KLHL17: variants seen among roughly 807,000 people sequenced by gnomAD.
KLHL17 encodes the protein kelch like family member 17.
A neutral mutation model predicts 64.6 loss-of-function variants in KLHL17; 71 were observed. The ratio of observed to expected loss-of-function variants is 1.10; its 90% CI spans 0.91 to 1.34. The LOEUF (loss-of-function observed/expected upper bound fraction) is 1.34, where lower values mean the gene tolerates loss of function less well. KLHL17 is among the 40% of genes most tolerant of loss of function. The pLI is 0.00. For missense variants in KLHL17, 1,140 were observed against 935.0 expected (o/e 1.22, Z -2.86); for synonymous variants, 612 against 405.4 (o/e 1.51, Z -6.12).
intron 8 of KLHL17, 124 bp downstream of exon 8, chr1:963,628 C>A: frequency 8.6e-7 from 1 of 1,162,604 alleles, no homozygotes; most frequent in Non-Finnish European, 1.2e-6. Context: ...GCCGTTTCAC[C>A]CCAGGCCACT....
Position 961,445 on chromosome 1 carries a change from A to T in KLHL17, c.260A>T (p.Gln87Leu), listed in dbSNP as rs925723770. 1 of 1,612,286 alleles carries T rather than the reference A, an allele frequency of 6.2e-7. No homozygotes were observed. The highest frequency in any genetic ancestry group is 8.5e-7 in the Non-Finnish European group (1 of 1,179,810). Reference sequence around the variant, plus strand: ...TTCGTGGCCATGAGCCGCATGCGCCAGCGCGGCCTCCTGTGCGACATCGTC... The same window carrying T: ...TTCGTGGCCATGAGCCGCATGCGCCTGCGCGGCCTCCTGTGCGACATCGTC... Reference protein sequence around the residue: ...DAFVAMSRMRQRGLLCDIVLH... With the variant: ...DAFVAMSRMRLRGLLCDIVLH... The change falls in exon 2 of 12, where the codon CAG becomes CTG. Residue 87 changes from glutamine (Q) to leucine (L), a missense_variant. Gln to Leu is a moderately radical substitution (Grantham distance 113). Coordinates refer to ENST00000338591, the MANE Select transcript of KLHL17 (RefSeq NM_198317.3).
chr1:962,073 G>A (rs779940836), intron 4 of KLHL17, 26 bp downstream of exon 4: 14 of 1,562,228 alleles, frequency 9.0e-6, no homozygotes, highest in Admixed American at 1.8e-5. Flanking sequence ...CCCAGCCCTC[G>A]CCCCCCACCC....
rs776743794 is a variant in KLHL17 at position 963,360 on chromosome 1, C to T, written c.1211C>T (p.Ala404Val). ...VGGYDGTSDL[A>V]TVESYDPVTN... ...AGCTATGATGGGACCTCAGACCTGG[C>T]TACCGTGGAGTCCTACGACCCCGTG... Residue 404 changes from alanine to valine, a missense_variant, in exon 8 of 12, where the codon GCT becomes GTT. Ala to Val is a moderately conservative substitution (Grantham distance 64). Coordinates refer to ENST00000338591, the MANE Select transcript of KLHL17 (RefSeq NM_198317.3). The T allele has an allele frequency of 5.0e-6, 8 of 1,611,178 alleles. No homozygotes were observed. Among genetic ancestry groups the T allele is most frequent in the Admixed American group, 1.7e-5 (1 of 59,932 alleles).
In KLHL17 at chr1:963,355, C is replaced by G. The variant is rs760365107; in HGVS notation, c.1206C>G (p.Asp402Glu). ...YAVGGYDGTS[D>E]LATVESYDPV... ...CCGCTAGCTATGATGGGACCTCAGA[C>G]CTGGCTACCGTGGAGTCCTACGACC... Residue 402 changes from aspartate to glutamate, a missense_variant, in exon 8 of 12, where the codon GAC becomes GAG. By Grantham distance (45) the Asp-to-Glu change is conservative. Transcript: ENST00000338591. 6.2e-7 allele frequency: 1 copy of G among 1,610,762 alleles called. No individual in the cohort carries two copies. Among genetic ancestry groups the G allele is most frequent in the African/African-American group, 1.3e-5 (1 of 75,050 alleles).
At position 961,475 on chromosome 1, in the gene KLHL17, A is replaced by C. The variant is rs1201626622; in HGVS notation, c.290A>C (p.His97Pro). The C allele has an allele frequency of 6.2e-6, 10 of 1,612,372 alleles. No homozygotes were observed. The highest frequency in any genetic ancestry group is 1.7e-6 in the Non-Finnish European group (2 of 1,179,932). Reference sequence around the variant, plus strand: ...GGCCTCCTGTGCGACATCGTCCTGCACGTGGCTGCCAAGGAGATCCGTGCG... The same window carrying C: ...GGCCTCCTGTGCGACATCGTCCTGCCCGTGGCTGCCAAGGAGATCCGTGCG... ...QRGLLCDIVL[H>P]VAAKEIRAHK... Residue 97 changes from histidine (H) to proline (P), a missense_variant, in exon 2 of 12, where the codon CAC becomes CCC. Physicochemically the swap from His to Pro is moderately conservative, Grantham distance 77. Coordinates refer to ENST00000338591, the MANE Select transcript of KLHL17 (RefSeq NM_198317.3).
rs1407912810 is a variant in KLHL17, at chr1:963,259, C to T, written c.1187+6C>T. 4.4e-6 allele frequency: 7 copies of T among 1,599,686 alleles called. No individual in the cohort carries two copies. In the Admixed American group the frequency reaches 1.2e-4, roughly 27 times the overall value. ...CGGCTCTATGCTGTGGGCGGGTAAG[C>T]CTGGAGGCTGGACTTGGGTCGGGTC... On this transcript the variant is annotated splice_donor_region_variant and intron_variant, in intron 7 of 11. Transcript: ENST00000338591.
intron 8 of KLHL17, 199 bp downstream of exon 8, chr1:963,703 C>T: frequency 1.2e-6 from 1 of 821,490 alleles, no homozygotes; most frequent in Non-Finnish European, 1.9e-6. Flanking sequence ...GGGTCCTTAC[C>T]CCCAGTCCAG....
In KLHL17 at chr1:962,421, C is replaced by T. The variant is rs753125973; in HGVS notation, c.778C>T (p.Leu260=). The T allele has an allele frequency of 7.4e-6, 12 of 1,612,768 alleles. No individual in the cohort carries two copies. The highest frequency in any genetic ancestry group is 1.7e-5 in the Admixed American group (1 of 60,016). Residue 260 remains leucine, a synonymous_variant, in exon 5 of 12, where the codon CTG becomes TTG. Transcript: ENST00000338591. ...AGAGGAGGAGGTCTACCGAGCCGTC[C>T]TGAGCTGGGTGAAACACGACGTGGA... is the stretch of plus-strand genomic sequence containing the variant. ...PSEEEVYRAV[L]SWVKHDVDAR...
Position 962,760 on chromosome 1 carries a change from G to A in KLHL17, c.885G>A (p.Val295=), listed in dbSNP as rs1393552869. 5.0e-6 allele frequency: 8 copies of A among 1,611,126 alleles called. No homozygotes were observed. Among genetic ancestry groups the A allele is most frequent in the Non-Finnish European group, 6.8e-6 (8 of 1,179,712 alleles). ...GCCGCGACTTCCTGCTGGGCCACGT[G>A]GATGCCGAGAGCCTGGTGAGGCACC... The part of the protein sequence containing the change: ...LLSRDFLLGH[V]DAESLVRHHP... Residue 295 remains valine, a synonymous_variant, in exon 6 of 12, where the codon GTG becomes GTA. Coordinates refer to ENST00000338591, the MANE Select transcript of KLHL17 (RefSeq NM_198317.3).
rs146518595 is a variant in KLHL17 at position 961,376 on chromosome 1, G to A, written c.191G>A (p.Gly64Asp). ...EGAVQLLSREGHSVAHNSKRH... is the reference protein window; with the variant it reads ...EGAVQLLSREDHSVAHNSKRH... The stretch of plus-strand genomic sequence containing the variant: ...GCCGTGCAGCTGCTGAGCCGCGAGG[G>A]CCACAGCGTGGCCCACAACTCCAAG... Residue 64 changes from glycine (G) to aspartate (D), a missense_variant, in exon 2 of 12, where the codon GGC becomes GAC. By Grantham distance (94) the Gly-to-Asp change is moderately conservative. Coordinates refer to ENST00000338591, the MANE Select transcript of KLHL17 (RefSeq NM_198317.3). 1.6e-5 allele frequency: 26 copies of A among 1,599,466 alleles called. No individual in the cohort carries two copies. In the African/African-American group the frequency reaches 3.1e-4, roughly 19 times the overall value.
At position 963,612 on chromosome 1, in the gene KLHL17, C is replaced by T. The variant is rs1440221144; in HGVS notation, c.1355+108C>T. On this transcript the variant is annotated intron_variant, in intron 8 of 11. Coordinates refer to ENST00000338591, the MANE Select transcript of KLHL17 (RefSeq NM_198317.3). ...TGATGGGGTGTTAAAGGAGGTGATCCGCGAGGCCGTTTCACCCCAGGCCAC... is the reference window on the plus strand; with the variant it reads ...TGATGGGGTGTTAAAGGAGGTGATCTGCGAGGCCGTTTCACCCCAGGCCAC... 40 of 1,309,088 alleles carry T rather than the reference C, an allele frequency of 3.1e-5. 1 individual carries two copies. In the South Asian group the frequency reaches 3.1e-4, roughly 10 times the overall value. The allele number at this position is 1,309,088 out of a possible 1,614,324, so 81.1% of individuals were successfully genotyped here.
rs373715846 is a variant in KLHL17, at chr1:961,413, C to T, written c.228C>T (p.His76=). ...SVAHNSKRHY[H]DAFVAMSRMR... Reference sequence around the variant, plus strand: ...CCCACAACTCCAAGCGGCACTACCACGATGCCTTCGTGGCCATGAGCCGCA... The same window carrying T: ...CCCACAACTCCAAGCGGCACTACCATGATGCCTTCGTGGCCATGAGCCGCA... Residue 76 remains histidine, a synonymous_variant, in exon 2 of 12, where the codon CAC becomes CAT. Coordinates refer to ENST00000338591, the MANE Select transcript of KLHL17 (RefSeq NM_198317.3). The T allele has an allele frequency of 2.5e-6, 4 of 1,611,294 alleles. No individual in the cohort carries two copies. The highest frequency in any genetic ancestry group is 1.1e-5 in the South Asian group (1 of 90,916).
rs755669557 is a variant in KLHL17, at chr1:963,208, G to C, written c.1142G>C (p.Arg381Pro). The change falls in exon 7 of 12, where the codon CGG becomes CCG. Residue 381 changes from arginine (R) to proline (P), a missense_variant. Transcript: ENST00000338591. ...VVASMSTRRA[R>P]VGVAAVGNRL... ...GCCTCCATGTCCACGCGCCGGGCCC[G>C]GGTGGGAGTGGCTGCGGTGGGGAAC... The C allele has an allele frequency of 6.2e-7, 1 of 1,607,748 alleles. No homozygotes were observed. Among genetic ancestry groups the C allele is most frequent in the Non-Finnish European group, 8.5e-7 (1 of 1,176,326 alleles).
chr1:963,751 A>C, intron 8 of KLHL17, 169 bp from the exon 9 acceptor site: 1 of 879,552 alleles, frequency 1.1e-6, no homozygotes, highest in South Asian at 1.6e-5. Flanking sequence ...AGGGTTGTTC[A>C]GGCAGCCAGG....
At chr1:960,828 G>C in intron 1 of KLHL17, 28 bp downstream of exon 1, 1 of 990,562 alleles carries the variant, frequency 1.0e-6, no homozygotes, top group Non-Finnish European at 1.2e-6. Context: ...GGGGCGCGGG[G>C]GGCGGCCTCG....
Position 962,344 on chromosome 1 carries a change from C to T in KLHL17, c.712-11C>T. The stretch of plus-strand genomic sequence containing the variant: ...TCCCCAGATCTCAGGTCTGAGGACC[C>T]CCACTCCCAGGTTCTGGAACTGGTC... On this transcript the variant is annotated splice_polypyrimidine_tract_variant and intron_variant, in intron 4 of 11. Transcript: ENST00000338591. 1 of 1,612,438 alleles carries T rather than the reference C, an allele frequency of 6.2e-7. No homozygotes were observed. The highest frequency in any genetic ancestry group is 8.5e-7 in the Non-Finnish European group (1 of 1,179,788).
chr1:963,400 G>A lies in KLHL17; in HGVS notation c.1251G>A (p.Gln417=). Residue 417 remains glutamine (Q), a synonymous_variant, in exon 8 of 12, where the codon CAG becomes CAA. Coordinates refer to ENST00000338591, the MANE Select transcript of KLHL17 (RefSeq NM_198317.3). ...ACGACCCCGTGACTAACACGTGGCA[G>A]CCGGAGGTGTCCATGGGCACAAGGC... ...ESYDPVTNTW[Q]PEVSMGTRRS... The A allele has an allele frequency of 1.2e-6, 2 of 1,612,688 alleles. No individual in the cohort carries two copies. Among genetic ancestry groups the A allele is most frequent in the Non-Finnish European group, 8.5e-7 (1 of 1,179,888 alleles).
chr1:962,560 C>T, intron 5 of KLHL17, 89 bp downstream of exon 5: 2 of 1,556,606 alleles, frequency 1.3e-6, no homozygotes, highest in Non-Finnish European at 8.7e-7. Flanking sequence ...TCCCCGAGTT[C>T]AGGGACTCCG....
chr1:961,554 C>G lies in KLHL17; in HGVS notation c.367+2C>G. On this transcript the variant is annotated splice_donor_variant, in intron 2 of 11. Transcript: ENST00000338591. LOFTEE classifies it high-confidence loss of function. Reference sequence around the variant, plus strand: ...CCTACTTCCACGCCATGTTCACAAGCAAGTACCCGCCTGGGCGGCGCTGGG... The same window carrying G: ...CCTACTTCCACGCCATGTTCACAAGGAAGTACCCGCCTGGGCGGCGCTGGG... The G allele has an allele frequency of 6.2e-7, 1 of 1,612,686 alleles. No homozygotes were observed. Among genetic ancestry groups the G allele is most frequent in the Non-Finnish European group, 8.5e-7 (1 of 1,179,974 alleles).
Sources: gnomAD v4.1 joint callset for allele counts on GRCh38, gnomAD v4.1.1 for gene constraint, MANE v1.5 for transcripts, NCBI Gene and HGNC (gene_info 2026-07-23, HGNC 2026-07-21) for gene names.